The following ENTREP2 variants were observed in gnomAD, a reference collection of about 807,000 sequenced individuals.
ENTREP2 encodes endosomal transmembrane epsin interactor 2, also known as protein ENTREP2.
chr15:29,136,517 C>T, the ENTREP2 span: 1 of 1,546,326 alleles, frequency 6.5e-7, no homozygotes, highest in South Asian at 1.2e-5. Flanking sequence ...AAGACAGAAT[C>T]ATCACATCGT....
the ENTREP2 span, among the ~76,000 whole-genome samples, chr15:29,193,459 C>A: frequency 1.3e-5 from 2 of 152,216 alleles, no homozygotes; most frequent in African/African-American, 4.8e-5. Flanking sequence ...GGGACTCACA[C>A]TGGTGCAACC....
chr15:29,461,654 T>A, the ENTREP2 span, among the ~76,000 whole-genome samples: 4,430 of 152,098 alleles, frequency 0.029, 237 homozygotes, highest in African/African-American at 0.1. Flanking sequence ...TTTGTACTTT[T>A]GGTAGAGCTG....
the ENTREP2 span, among the ~76,000 whole-genome samples, chr15:29,564,610 T>C: frequency 6.6e-6 from 1 of 152,192 alleles, no homozygotes; most frequent in Non-Finnish European, 1.5e-5. Flanking sequence ...TGGGAGCCCC[T>C]TTCCAGTTTT....
chr15:29,240,693 G>C, the ENTREP2 span, among the ~76,000 whole-genome samples: 4 of 152,174 alleles, frequency 2.6e-5, no homozygotes, highest in Admixed American at 2.6e-4. Flanking sequence ...GCACACAACA[G>C]ACTAAGATGC....
At chr15:29,667,158 G>A in the ENTREP2 span, among the ~76,000 whole-genome samples, 1 of 152,050 alleles carries the variant, frequency 6.6e-6, no homozygotes, top group African/African-American at 2.4e-5. Context: ...TGCCAGGTTA[G>A]GGCTTCAACA....
chr15:29,222,760 C>G, the ENTREP2 span, among the ~76,000 whole-genome samples: 5 of 152,194 alleles, frequency 3.3e-5, no homozygotes, highest in Admixed American at 3.3e-4. Context: ...CACCAGCTCC[C>G]TCACGCTCAC....
At chr15:29,433,503 C>T in the ENTREP2 span, among the ~76,000 whole-genome samples, 13 of 152,148 alleles carry the variant, frequency 8.5e-5, no homozygotes, top group Non-Finnish European at 1.6e-4. Flanking sequence ...CTTAATGGTA[C>T]AAATCTTATT....
At chr15:29,253,452 C>CTTTT in the ENTREP2 span, among the ~76,000 whole-genome samples, 2 of 142,638 alleles carry the variant, frequency 1.4e-5, no homozygotes, top group Admixed American at 7.0e-5. Flanking sequence ...GTCTCTCTCT[C>CTTTT]TTTTTTTTTT....
At chr15:29,659,230 G>A in the ENTREP2 span, among the ~76,000 whole-genome samples, 6 of 152,166 alleles carry the variant, frequency 3.9e-5, no homozygotes, top group Admixed American at 1.3e-4. Context: ...CAGCACTTTG[G>A]AAGGCTGAGG....
At chr15:29,558,844 T>C in the ENTREP2 span, among the ~76,000 whole-genome samples, 1 of 150,668 alleles carries the variant, frequency 6.6e-6, no homozygotes. Flanking sequence ...AGTAAATACA[T>C]TTTCTCTTCC....
At chr15:29,344,928 G>GGAGA in the ENTREP2 span, among the ~76,000 whole-genome samples, 2 of 114,014 alleles carry the variant, frequency 1.8e-5, no homozygotes, top group Non-Finnish European at 3.5e-5. Context: ...ACGCACGCGC[G>GGAGA]CAGACACACA....
the ENTREP2 span, among the ~76,000 whole-genome samples, chr15:29,583,813 C>T: frequency 1.8e-4 from 27 of 152,234 alleles, no homozygotes; most frequent in African/African-American, 6.0e-4. Context: ...AGATGGTGAG[C>T]ACTGATATAT....
At chr15:29,485,609 C>G in the ENTREP2 span, among the ~76,000 whole-genome samples, 1 of 152,154 alleles carries the variant, frequency 6.6e-6, no homozygotes, top group African/African-American at 2.4e-5. Context: ...AGGCTGGGGA[C>G]AGGGTTTAAG....
At chr15:29,497,660 T>C in the ENTREP2 span, among the ~76,000 whole-genome samples, 1 of 152,106 alleles carries the variant, frequency 6.6e-6, no homozygotes, top group Non-Finnish European at 1.5e-5. Context: ...TCTGATTTTA[T>C]TTTAGTCTTC....
At chr15:29,315,795 G>A in the ENTREP2 span, among the ~76,000 whole-genome samples, 105 of 152,114 alleles carry the variant, frequency 6.9e-4, no homozygotes, top group African/African-American at 2.3e-3. Flanking sequence ...ATGATAAACC[G>A]CATTATGCAG....
the ENTREP2 span, among the ~76,000 whole-genome samples, chr15:29,508,416 T>C: frequency 1.3e-5 from 2 of 152,186 alleles, no homozygotes; most frequent in African/African-American, 4.8e-5. Flanking sequence ...AGCATCATCC[T>C]GATACCAAAA....
At chr15:29,131,036 T>C in the ENTREP2 span, among the ~76,000 whole-genome samples, 8 of 152,134 alleles carry the variant, frequency 5.3e-5, no homozygotes, top group Non-Finnish European at 1.2e-4. Context: ...TGAACAGTCA[T>C]CGTAACTGGA....
chr15:29,501,851 A>G, the ENTREP2 span, among the ~76,000 whole-genome samples: 2 of 152,050 alleles, frequency 1.3e-5, no homozygotes, highest in African/African-American at 4.8e-5. Context: ...TTCAATGTAT[A>G]AAAATCAGTT....
chr15:29,350,908 C>T, the ENTREP2 span, among the ~76,000 whole-genome samples: 1 of 152,280 alleles, frequency 6.6e-6, no homozygotes, highest in South Asian at 2.1e-4. Context: ...CGCCACTGCA[C>T]TCCAGCCTGA....
Sources: gnomAD v4.1 joint callset for allele counts (sites outside exome capture counted in the v4.1 genomes callset) on GRCh38, gnomAD v4.1.1 for gene constraint, MANE v1.5 for transcripts, NCBI Gene and HGNC (gene_info 2026-07-23, HGNC 2026-07-21) for gene names.